The following TENM4 variants were observed in gnomAD, a reference collection of about 807,000 sequenced individuals.
TENM4 encodes teneurin-4.
A neutral mutation model predicts 243.3 loss-of-function variants in TENM4; 82 were observed. The ratio of observed to expected loss-of-function variants is 0.34; its 90% CI spans 0.28 to 0.40. The LOEUF (loss-of-function observed/expected upper bound fraction) is 0.40, where lower values mean the gene tolerates loss of function less well. TENM4 is among the 10% of genes least tolerant of loss of function. The pLI is 1.00. For synonymous variants in TENM4, 1,412 were observed against 1,456.3 expected (o/e 0.97, Z 0.69); for missense variants, 3,138 against 3,673.3 (o/e 0.85, Z 3.77).
chr11:78,948,193 TAA>T (rs1264507889), intron 6 of TENM4, among the ~76,000 whole-genome samples: 1 of 152,228 alleles, frequency 6.6e-6, no homozygotes, highest in African/African-American at 2.4e-5. Flanking sequence ...TCTCGATGCA[TAA>T]AAAGTTTTTC....
intron 1 of TENM4, among the ~76,000 whole-genome samples, chr11:79,395,031 A>C (rs577310640): frequency 6.6e-6 from 1 of 152,334 alleles, no homozygotes; most frequent in African/African-American, 2.4e-5. Context: ...AGCTTCCAGA[A>C]CTGTGAGAAA....
In TENM4 at chr11:78,986,853, C is replaced by T. The variant is rs538210659; in HGVS notation, c.493+77885G>A. Among the ~76,000 whole-genome samples, 15 of 152,252 alleles carry T rather than the reference C, an allele frequency of 9.9e-5. No homozygotes were observed. In the South Asian group the frequency reaches 3.1e-3, roughly 32 times the overall value. On this transcript the variant is annotated intron_variant, in intron 6 of 33. Coordinates refer to ENST00000278550, the MANE Select transcript of TENM4 (RefSeq NM_001098816.3). Reference sequence around the variant, plus strand: ...CCTCCCAAAGTGCTGGGATTGCAGGCGTGAGTGACCCCACTCGGCTGGTCA... The same window carrying T: ...CCTCCCAAAGTGCTGGGATTGCAGGTGTGAGTGACCCCACTCGGCTGGTCA...
At chr11:79,402,222 G>A (rs986120918) in intron 1 of TENM4, 6 of 182,626 alleles carry the variant, frequency 3.3e-5, no homozygotes, top group African/African-American at 1.4e-4. Context: ...GGAAAAAATA[G>A]GGTTAGGGGA....
chr11:79,031,119 G>A (rs1022757172), intron 6 of TENM4, among the ~76,000 whole-genome samples: 1 of 152,188 alleles, frequency 6.6e-6, no homozygotes, highest in Non-Finnish European at 1.5e-5. Context: ...CCAGCACAGT[G>A]CCTGACATGG....
chr11:78,790,716 C>T (rs1730269187), intron 15 of TENM4, among the ~76,000 whole-genome samples: 1 of 152,196 alleles, frequency 6.6e-6, no homozygotes, highest in South Asian at 2.1e-4. Flanking sequence ...TCAGAACAGG[C>T]AAGGAACACT....
chr11:78,740,710 A>G (rs1236108753), intron 19 of TENM4, among the ~76,000 whole-genome samples: 1 of 152,198 alleles, frequency 6.6e-6, no homozygotes, highest in Non-Finnish European at 1.5e-5. Context: ...TTCTCCAGAC[A>G]TATGTGCCTC....
intron 18 of TENM4, among the ~76,000 whole-genome samples, chr11:78,763,947 G>C (rs1346195221): frequency 1.2e-5 from 1 of 83,156 alleles, no homozygotes; most frequent in Non-Finnish European, 2.0e-5. Flanking sequence ...AACAATTGCA[G>C]TCCTGACTAG....
chr11:78,842,132 T>C (rs1858272864), intron 12 of TENM4, among the ~76,000 whole-genome samples: 1 of 152,202 alleles, frequency 6.6e-6, no homozygotes, highest in African/African-American at 2.4e-5. Context: ...CCCATCTGCC[T>C]ATTAGTAACT....
At chr11:78,903,548 C>A in intron 6 of TENM4, 25 bp from the exon 7 acceptor site, 1 of 1,542,520 alleles carries the variant, frequency 6.5e-7, no homozygotes, top group Non-Finnish European at 8.7e-7. Flanking sequence ...TGGCGGTCAG[C>A]GGCGGTGAGC....
intron 4 of TENM4, among the ~76,000 whole-genome samples, chr11:79,086,601 A>C (rs2137042039): frequency 6.6e-6 from 1 of 152,300 alleles, no homozygotes; most frequent in East Asian, 1.9e-4. Flanking sequence ...TGGGAGGCTG[A>C]GGCGGGCAGA....
rs73498547 is a variant in TENM4 at position 78,804,228 on chromosome 11, T to C, written c.2179+1064A>G. The stretch of plus-strand genomic sequence containing the variant: ...GTCCCTGGGCAGGATCACTTAAAAT[T>C]TTTCCAAGCCTTAGCTTCTTTATCA... On this transcript the variant is annotated intron_variant, in intron 15 of 33. Transcript: ENST00000278550. Among the ~76,000 whole-genome samples the C allele has an allele frequency of 9.8e-3, 1,485 of 152,302 alleles. 26 individuals are homozygous for C. The highest frequency in any genetic ancestry group is 0.034 in the African/African-American group (1,420 of 41,562).
intron 1 of TENM4, among the ~76,000 whole-genome samples, chr11:79,403,683 C>G (rs1555064008): frequency 6.6e-6 from 1 of 152,146 alleles, no homozygotes; most frequent in Non-Finnish European, 1.5e-5. Flanking sequence ...AGTTGTCTTC[C>G]CTCAACCACT....
At chr11:79,176,481 G>T (rs1009394935) in intron 3 of TENM4, among the ~76,000 whole-genome samples, 9 of 151,976 alleles carry the variant, frequency 5.9e-5, no homozygotes, top group African/African-American at 2.2e-4. Context: ...TAACTATATT[G>T]TCTGTCAATC....
intron 1 of TENM4, among the ~76,000 whole-genome samples, chr11:79,409,564 C>A (rs78986379): frequency 6.6e-6 from 1 of 151,992 alleles, no homozygotes; most frequent in Non-Finnish European, 1.5e-5. Context: ...GAAGAATAGC[C>A]CCCCCGGAAC....
At chr11:79,112,681 T>C (rs1326600090) in intron 4 of TENM4, among the ~76,000 whole-genome samples, 1 of 152,152 alleles carries the variant, frequency 6.6e-6, no homozygotes, top group East Asian at 1.9e-4. Flanking sequence ...CTCAAGTAGG[T>C]TGCCCTGGTT....
At chr11:78,884,959 G>C (rs1325099429) in intron 9 of TENM4, among the ~76,000 whole-genome samples, 2 of 152,072 alleles carry the variant, frequency 1.3e-5, no homozygotes, top group Admixed American at 1.3e-4. Context: ...AACGTGCTCA[G>C]AACAGAAGGG....
chr11:79,204,191 G>A (rs925850817), intron 3 of TENM4, among the ~76,000 whole-genome samples: 10 of 152,198 alleles, frequency 6.6e-5, no homozygotes, highest in African/African-American at 2.4e-4. Context: ...TTTCTAAAAC[G>A]GATTCTGGTG....
intron 15 of TENM4, among the ~76,000 whole-genome samples, chr11:78,788,780 G>T (rs1181063334): frequency 6.6e-6 from 1 of 152,186 alleles, no homozygotes; most frequent in African/African-American, 2.4e-5. Context: ...GTGTGGCTTT[G>T]GGGAGGTCAC....
intron 7 of TENM4, among the ~76,000 whole-genome samples, chr11:78,902,366 C>T (rs187077483): frequency 5.9e-5 from 9 of 152,268 alleles, no homozygotes; most frequent in Non-Finnish European, 1.3e-4. Flanking sequence ...GGAAGGAGAA[C>T]AGCTACAGAA....
Sources: allele counts gnomAD v4.1 joint callset (sites outside exome capture counted in the v4.1 genomes callset), GRCh38; gene constraint gnomAD v4.1.1; transcripts MANE v1.5; gene names NCBI Gene and HGNC (gene_info 2026-07-23, HGNC 2026-07-21).